JAK3: variants seen among roughly 807,000 people sequenced by gnomAD.
JAK3 encodes the protein tyrosine-protein kinase JAK3.
JAK3 carries 88 observed loss-of-function variants against 120.8 expected under a neutral mutation model. The ratio of observed to expected loss-of-function variants is 0.73; its 90% CI spans 0.61 to 0.87. The LOEUF (loss-of-function observed/expected upper bound fraction) is 0.87, where lower values mean the gene tolerates loss of function less well. JAK3 is among the 40% of genes least tolerant of loss of function. The probability of loss-of-function intolerance (pLI) is 0.00; values close to 1 mark genes in which losing one functional copy is unlikely to be tolerated. For synonymous variants in JAK3, 592 were observed against 628.6 expected, an observed-to-expected ratio of 0.94 and a Z score of 0.87; for missense variants, 1,254 against 1,501.4, an observed-to-expected ratio of 0.84 and a Z score of 2.72.
chr19:17,843,045 T>A lies in JAK3; in HGVS notation c.548A>T (p.Glu183Val), dbSNP rs1248229882. The change falls in exon 5 of 24, where the codon GAG becomes GTG. Residue 183 changes from glutamate to valine, a missense_variant. Glu to Val is a moderately radical substitution (Grantham distance 121, BLOSUM62 -2). This residue lies in a region of JAK3 where 486 missense variants were observed against 503.0 expected (regional missense o/e 0.97). Coordinates refer to ENST00000458235, the MANE Select transcript of JAK3 (RefSeq NM_000215.4). The surrounding 1 kb of genome is among the most constrained non-coding windows in gnomAD (Gnocchi z 5.4). ...CTCTCACCTGACAGTCTTCAGCAGC[T>A]CTCCCGGCCGCTGGGCCTGCTCTCG... is the stretch of plus-strand genomic sequence containing the variant. Reference protein sequence around the residue: ...MAREQAQRPGELLKTVSYKAC... With the variant: ...MAREQAQRPGVLLKTVSYKAC... 6.2e-7 allele frequency: 1 copy of A among 1,610,426 alleles called. No homozygotes were observed. The highest frequency in any genetic ancestry group is 8.5e-7 in the Non-Finnish European group (1 of 1,179,908).
chr19:17,847,089 G>T (rs1202463958), intron 1 of JAK3, among the ~76,000 whole-genome samples: 1 of 150,822 alleles, frequency 6.6e-6, no homozygotes, highest in Non-Finnish European at 1.5e-5. Context: ...GTAGAGATAG[G>T]GTTTCACCAT....
rs2094204239 is a variant in JAK3, at chr19:17,826,555, C to G, written c.*188G>C. The G allele has an allele frequency of 1.5e-6, 1 of 674,180 alleles. No individual in the cohort carries two copies. 41.8% of individuals were successfully genotyped at this position (674,180 alleles called of 1,614,324 possible). ...ACACATATGCCCATCTGTCTTGAAC[C>G]TTAACAAATTGCAAAGGCCACAGGC... On this transcript the variant is annotated 3_prime_UTR_variant, in exon 24 of 24. Transcript: ENST00000458235.
In JAK3 at chr19:17,840,282, A is replaced by C; in HGVS notation, c.1202T>G (p.Leu401Arg). ...GTCAAAGTCCTGGGGGCTGCGGCGG[A>C]GAACATAGGAGCCAGGACGTGAGCC... ...TGGSRPGSYVLRRSPQDFDSF... is the reference protein window; with the variant it reads ...TGGSRPGSYVRRRSPQDFDSF... The change falls in exon 9 of 24, where the codon CTC becomes CGC. Residue 401 changes from leucine to arginine, a missense_variant. Leu to Arg is a moderately radical substitution (Grantham distance 102). Around this residue, in one of 3 missense-constraint regions of JAK3, gnomAD observed 486 missense variants for 503.0 expected, o/e 0.97. Transcript: ENST00000458235. The C allele has an allele frequency of 6.2e-7, 1 of 1,614,036 alleles. No individual in the cohort carries two copies. The highest frequency in any genetic ancestry group is 8.5e-7 in the Non-Finnish European group (1 of 1,180,012).
intron 1 of JAK3, 28 bp downstream of exon 1, chr19:17,847,918 C>T: frequency 1.0e-6 from 1 of 992,748 alleles, no homozygotes; most frequent in East Asian, 6.4e-5. Context: ...GTGTCTGGGC[C>T]GAGCCCTGCG....
intron 23 of JAK3, among the ~76,000 whole-genome samples, 181 bp from the exon 24 acceptor site, chr19:17,827,091 T>C (rs1436109030): frequency 1.3e-5 from 2 of 152,104 alleles, no homozygotes; most frequent in Non-Finnish European, 2.9e-5. Flanking sequence ...GCAATTATCC[T>C]GCCTCAGCCT....
At chr19:17,834,743 G>A (rs960606322) in intron 16 of JAK3, 22 bp from the exon 17 acceptor site, 21 of 1,613,884 alleles carry the variant, frequency 1.3e-5, no homozygotes, top group South Asian at 3.3e-5. Flanking sequence ...AGGAGCAGTC[G>A]GTAATCCCCA....
Position 17,834,725 on chromosome 19 carries a change from A to AG in JAK3, c.2200-5dup, listed in dbSNP as rs768055819. The AG allele has an allele frequency of 6.2e-7, 1 of 1,613,998 alleles. No homozygotes were observed. The highest frequency in any genetic ancestry group is 2.2e-5 in the East Asian group (1 of 44,870). On this transcript the variant is annotated splice_polypyrimidine_tract_variant and splice_region_variant and intron_variant, in intron 16 of 23. Transcript: ENST00000458235. The stretch of plus-strand genomic sequence containing the variant: ...GGTCCTCATAAAATTGGAGTTTCTG[A>AG]GGGTGAGAGGAGCAGTCGGTAATCC...
chr19:17,847,586 T>C (rs2094254948), intron 1 of JAK3, among the ~76,000 whole-genome samples: 1 of 152,146 alleles, frequency 6.6e-6, no homozygotes, highest in Non-Finnish European at 1.5e-5. Context: ...TATGGTCGGG[T>C]ACCCTGTGTC....
In JAK3 at chr19:17,842,807, C is replaced by G; in HGVS notation, c.567-197G>C. 1 of 827,102 alleles carries G rather than the reference C, an allele frequency of 1.2e-6. No homozygotes were observed. The highest frequency in any genetic ancestry group is 1.7e-5 in the South Asian group (1 of 59,718). 51.2% of individuals were successfully genotyped at this position (827,102 alleles called of 1,614,324 possible). A position where few individuals can be genotyped will look rare whatever the true frequency, so the allele number is the denominator to read the frequency against. On this transcript the variant is annotated intron_variant, in intron 5 of 23. Coordinates refer to ENST00000458235, the MANE Select transcript of JAK3 (RefSeq NM_000215.4). The surrounding 1 kb of genome is among the most constrained non-coding windows in gnomAD (Gnocchi z 6.4). Reference sequence around the variant, plus strand: ...GGGAGGGCCATTGGCGCCCACAGGTCGGACAGGGACCCCACAGGCCTTTTA... The same window carrying G: ...GGGAGGGCCATTGGCGCCCACAGGTGGGACAGGGACCCCACAGGCCTTTTA...
At chr19:17,846,239 A>G (rs953640296) in intron 1 of JAK3, among the ~76,000 whole-genome samples, 2 of 152,182 alleles carry the variant, frequency 1.3e-5, no homozygotes, top group African/African-American at 2.4e-5. Context: ...CCAGGCCTAA[A>G]GTGTCAACTC....
Position 17,840,211 on chromosome 19 carries a change from A to AC in JAK3, c.1254+18dup. On this transcript the variant is annotated intron_variant, in intron 9 of 23. Transcript: ENST00000458235. Reference sequence around the variant, plus strand: ...TCCTCCAGGCAGCCCTCCACTACCCACCCTAGCAGTAGACCGACCTGGACA... The same window carrying AC: ...TCCTCCAGGCAGCCCTCCACTACCCACCCCTAGCAGTAGACCGACCTGGACA... 1 of 1,561,002 alleles carries AC rather than the reference A, an allele frequency of 6.4e-7. No homozygotes were observed. Among genetic ancestry groups the AC allele is most frequent in the South Asian group, 1.1e-5 (1 of 89,978 alleles).
rs1809564166 is a variant in JAK3, at chr19:17,832,042, A to C, written c.2681-244T>G. Among the ~76,000 whole-genome samples, 1 of 152,140 alleles carries C rather than the reference A, an allele frequency of 6.6e-6. No homozygotes were observed. The highest frequency in any genetic ancestry group is 2.1e-4 in the South Asian group (1 of 4,824). On this transcript the variant is annotated intron_variant, in intron 19 of 23. Coordinates refer to ENST00000458235, the MANE Select transcript of JAK3 (RefSeq NM_000215.4). This position sits in a 1 kb window ranked among gnomAD's most constrained non-coding sequence, Gnocchi z 4.7. ...GTAATCCCAGCACTTTGGAAGCCTC[A>C]CTTGAGGTCAGGAGTTCAAGACCAG...
rs1599881400 is a variant in JAK3 at position 17,844,277 on chromosome 19, G to C, written c.141C>G (p.Asp47Glu). Residue 47 changes from aspartate (D) to glutamate (E), a missense_variant, in exon 2 of 24, where the codon GAC becomes GAG. Asp to Glu is a conservative substitution (Grantham distance 45, BLOSUM62 2). Transcript: ENST00000458235. ...PPQRLSFSFGDHLAEDLCVQA... is the reference protein window; with the variant it reads ...PPQRLSFSFGEHLAEDLCVQA... ...GCACGCACAGGTCCTCAGCCAAGTG[G>C]TCCCCAAAGGAGAAAGATAGGCGCT... is the stretch of plus-strand genomic sequence containing the variant. 1 of 1,605,594 alleles carries C rather than the reference G, an allele frequency of 6.2e-7. No individual in the cohort carries two copies. Among genetic ancestry groups the C allele is most frequent in the Non-Finnish European group, 8.5e-7 (1 of 1,177,024 alleles).
intron 1 of JAK3, 64 bp downstream of exon 1, chr19:17,847,882 T>TC (rs1440396439): frequency 2.5e-5 from 9 of 364,934 alleles, no homozygotes; most frequent in Non-Finnish European, 3.5e-5. Context: ...AGCCCAGCCA[T>TC]CCCCCGCCAC....
rs544249966 is a variant in JAK3 at position 17,840,942 on chromosome 19, G to A, written c.1142+447C>T. Among the ~76,000 whole-genome samples the A allele has an allele frequency of 1.3e-3, 190 of 150,612 alleles. 1 individual carries two copies. The highest frequency in any genetic ancestry group is 4.6e-3 in the African/African-American group (183 of 40,160). ...AAGTGATCCTCCTGCCTCAGCCTCCGGAGTCGCTGGGACTACAGGTCAACC... is the reference window on the plus strand; with the variant it reads ...AAGTGATCCTCCTGCCTCAGCCTCCAGAGTCGCTGGGACTACAGGTCAACC... On this transcript the variant is annotated intron_variant, in intron 8 of 23. Transcript: ENST00000458235.
chr19:17,830,899 C>CG (rs1272641498), intron 21 of JAK3, among the ~76,000 whole-genome samples: 5 of 2,714 alleles, frequency 1.8e-3, no homozygotes, highest in African/African-American at 2.9e-3. Flanking sequence ...CAGAACTGGG[C>CG]GGGGGGAAGG....
At chr19:17,837,320 A>C (rs1192580787) in intron 12 of JAK3, 107 bp from the exon 13 acceptor site, 1 of 840,210 alleles carries the variant, frequency 1.2e-6, no homozygotes. Context: ...GCCACAGGTC[A>C]CCTTTGGCCC....
In JAK3 at chr19:17,825,447, A is replaced by C. The variant is rs938095902; in HGVS notation, c.*1296T>G. The stretch of plus-strand genomic sequence containing the variant: ...AGCCCTAGGACACTCAGATACCATT[A>C]GGGTGGACTGGGACCCCAGCCTTTC... On this transcript the variant is annotated 3_prime_UTR_variant, in exon 24 of 24. Transcript: ENST00000458235. The C allele has an allele frequency of 4.6e-6, 1 of 217,194 alleles. No homozygotes were observed. Among genetic ancestry groups the C allele is most frequent in the Non-Finnish European group, 9.3e-6 (1 of 107,962 alleles). The allele number at this position is 217,194 out of a possible 1,614,324, so 13.5% of individuals were successfully genotyped here.
chr19:17,830,547 A>G lies in JAK3; in HGVS notation c.3052T>C (p.Tyr1018His), dbSNP rs1407021823. 6.2e-7 allele frequency: 1 copy of G among 1,613,682 alleles called. No homozygotes were observed. Among genetic ancestry groups the G allele is most frequent in the Admixed American group, 1.7e-5 (1 of 59,992 alleles). The stretch of plus-strand genomic sequence containing the variant: ...TTGTCGCAGTAGGTGAAGAGCTCGT[A>G]CAGGACGACCCCGAAGCTCCAGACG... ...SDVWSFGVVL[Y>H]ELFTYCDKSC... The change falls in exon 22 of 24, where the codon TAC (tyrosine) becomes CAC (histidine). Residue 1018 changes from tyrosine (Y) to histidine (H), a missense_variant. Physicochemically the swap from Tyr to His is moderately conservative, Grantham distance 83. Transcript: ENST00000458235.
Sources: allele counts gnomAD v4.1 joint callset (sites outside exome capture counted in the v4.1 genomes callset), GRCh38; gene constraint gnomAD v4.1.1; regional missense constraint gnomAD v4.1.1; non-coding constraint Gnocchi (gnomAD v3.1); transcripts MANE v1.5; gene names NCBI Gene and HGNC (gene_info 2026-07-23, HGNC 2026-07-21).